FA2H: variants seen among roughly 807,000 people sequenced by gnomAD.
The protein encoded by FA2H is fatty acid alpha-hydroxylase.
In FA2H, 22 loss-of-function variants were observed where a neutral mutation model predicts 44.9. The ratio of observed to expected loss-of-function variants is 0.49; its 90% CI spans 0.35 to 0.70. The LOEUF is 0.70. Ranked by LOEUF, FA2H falls within the 30% of genes least tolerant of loss-of-function variation. FA2H has a pLI of 0.01. For missense variants in FA2H, 501 were observed against 504.9 expected, an observed-to-expected ratio of 0.99 and a Z score of 0.07; for synonymous variants, 243 against 213.2, an observed-to-expected ratio of 1.14 and a Z score of -1.22.
At chr16:74,714,969 T>G (rs993526761) in intron 6 of FA2H, among the ~76,000 whole-genome samples, 1 of 151,872 alleles carries the variant, frequency 6.6e-6, no homozygotes, top group Non-Finnish European at 1.5e-5. Flanking sequence ...CCTGAGTAGC[T>G]GGGATTACAG....
At chr16:74,744,460 T>C (rs1962377804) in intron 1 of FA2H, among the ~76,000 whole-genome samples, 2 of 151,272 alleles carry the variant, frequency 1.3e-5, no homozygotes, top group African/African-American at 4.9e-5. Context: ...CTTTTTTTTT[T>C]TTTTTTTTTG....
chr16:74,737,234 G>A (rs1962199878), intron 2 of FA2H, among the ~76,000 whole-genome samples: 1 of 152,146 alleles, frequency 6.6e-6, no homozygotes, highest in South Asian at 2.1e-4. Flanking sequence ...GCTGGACCAG[G>A]GGGACACGTG....
intron 1 of FA2H, 52 bp from the exon 2 acceptor site, chr16:74,740,167 C>G (rs906188854): frequency 2.7e-6 from 4 of 1,477,306 alleles, no homozygotes; most frequent in Non-Finnish European, 3.8e-6. Context: ...GGGAAGAGGG[C>G]AGAGCCCCGA....
chr16:74,739,894 T>G, intron 2 of FA2H, 129 bp downstream of exon 2: 1 of 801,448 alleles, frequency 1.2e-6, no homozygotes, highest in East Asian at 2.4e-5. Context: ...TGTGGACACC[T>G]GCTTCTCCTT....
At chr16:74,716,919 C>G (rs1395399880) in intron 5 of FA2H, 1 of 363,482 alleles carries the variant, frequency 2.8e-6, no homozygotes, top group Non-Finnish European at 5.1e-6. Context: ...CACTGTGACT[C>G]TGGAATTTGT....
chr16:74,731,841 T>C (rs1427158428), intron 2 of FA2H, among the ~76,000 whole-genome samples: 2 of 152,208 alleles, frequency 1.3e-5, no homozygotes, highest in African/African-American at 4.8e-5. Context: ...CATCTGTAGC[T>C]TACGACCATC....
intron 2 of FA2H, among the ~76,000 whole-genome samples, chr16:74,739,336 G>C (rs1006942167): frequency 2.6e-5 from 4 of 152,058 alleles, no homozygotes; most frequent in Non-Finnish European, 5.9e-5. Context: ...ACCAAGCCCA[G>C]CTCCCTCCAG....
At chr16:74,738,239 G>A (rs913538256) in intron 2 of FA2H, among the ~76,000 whole-genome samples, 4 of 152,174 alleles carry the variant, frequency 2.6e-5, no homozygotes, top group African/African-American at 9.7e-5. Context: ...GAGAGGTGGG[G>A]AAGGTGAGTC....
chr16:74,757,322 T>C (rs920989911), intron 1 of FA2H, among the ~76,000 whole-genome samples: 2 of 152,308 alleles, frequency 1.3e-5, no homozygotes, highest in African/African-American at 4.8e-5. Context: ...TTGACAATGA[T>C]TGAAAAGACT....
At chr16:74,737,047 G>T (rs1405506655) in intron 2 of FA2H, among the ~76,000 whole-genome samples, 1 of 152,178 alleles carries the variant, frequency 6.6e-6, no homozygotes, top group Non-Finnish European at 1.5e-5. Flanking sequence ...CAAGAGATGT[G>T]AATTCAGGGC....
intron 5 of FA2H, 76 bp downstream of exon 5, chr16:74,718,912 C>A: frequency 6.5e-7 from 1 of 1,542,852 alleles, no homozygotes; most frequent in Non-Finnish European, 8.9e-7. Context: ...CTCCGCAGCA[C>A]CTGAAGCTGC....
At position 74,720,783 on chromosome 16, in the gene FA2H, C is replaced by T. The variant is rs963083581; in HGVS notation, c.614-1623G>A. ...CCCTAGGAAGCTACAGGTCTACTTC[C>T]TCTTTGTTGGATTTGCCTATTCTGG... On this transcript the variant is annotated intron_variant, in intron 4 of 6. Coordinates refer to ENST00000219368, the MANE Select transcript of FA2H (RefSeq NM_024306.5). Among the ~76,000 whole-genome samples, 11 of 152,270 alleles carry T rather than the reference C, an allele frequency of 7.2e-5. No individual in the cohort carries two copies. The East Asian group carries it at 1.4e-3, about 19-fold the overall frequency.
intron 1 of FA2H, among the ~76,000 whole-genome samples, chr16:74,752,104 T>C (rs1237777700): frequency 5.3e-5 from 8 of 152,188 alleles, no homozygotes; most frequent in Admixed American, 3.9e-4. Context: ...AATGGTTCCA[T>C]GTCCACGACA....
intron 2 of FA2H, among the ~76,000 whole-genome samples, chr16:74,737,145 G>T (rs1471366051): frequency 6.6e-6 from 1 of 152,102 alleles, no homozygotes. Context: ...AGGGAGGCTG[G>T]TCCCCCGGGT....
rs550885492 is a variant in FA2H at position 74,716,336 on chromosome 16, C to T, written c.1039+11G>A. Reference sequence around the variant, plus strand: ...CACATAGGGGGCTGGGAAGCACAGGCCCATCCTCACCTGACTTCTGATGTG... The same window carrying T: ...CACATAGGGGGCTGGGAAGCACAGGTCCATCCTCACCTGACTTCTGATGTG... On this transcript the variant is annotated intron_variant, in intron 6 of 6. Transcript: ENST00000219368. 1 of 1,613,326 alleles carries T rather than the reference C, an allele frequency of 6.2e-7. No homozygotes were observed. The highest frequency in any genetic ancestry group is 2.2e-5 in the East Asian group (1 of 44,848).
chr16:74,763,687 C>T (rs1371616894), intron 1 of FA2H, among the ~76,000 whole-genome samples: 1 of 150,380 alleles, frequency 6.6e-6, no homozygotes, highest in South Asian at 2.1e-4. Flanking sequence ...CACAAGAGAA[C>T]ACAGAGAACT....
At chr16:74,741,162 T>C (rs1262133767) in intron 1 of FA2H, 2 of 152,192 alleles carry the variant, frequency 1.3e-5, no homozygotes, top group African/African-American at 4.8e-5. Context: ...GTGAAACCCA[T>C]GCTGCCCCGA....
At chr16:74,756,755 G>C (rs983224921) in intron 1 of FA2H, among the ~76,000 whole-genome samples, 1 of 152,010 alleles carries the variant, frequency 6.6e-6, no homozygotes, top group Non-Finnish European at 1.5e-5. Context: ...AGTGGAAAAA[G>C]ATAGATCATT....
intron 2 of FA2H, among the ~76,000 whole-genome samples, chr16:74,737,181 G>A (rs1217861526): frequency 6.6e-6 from 1 of 152,110 alleles, no homozygotes; most frequent in Admixed American, 6.5e-5. Context: ...GGCTCCCAAG[G>A]GAGGGCTCCG....
Sources: gnomAD v4.1 joint callset for allele counts (sites outside exome capture counted in the v4.1 genomes callset) on GRCh38, gnomAD v4.1.1 for gene constraint, MANE v1.5 for transcripts, NCBI Gene and HGNC (gene_info 2026-07-23, HGNC 2026-07-21) for gene names.